The following TDP1 variants were observed in gnomAD, a reference collection of about 807,000 sequenced individuals.
TDP1 encodes the protein tyr-DNA phosphodiesterase 1.
In TDP1, 64 loss-of-function variants were observed where a neutral mutation model predicts 81.5. The ratio of observed to expected loss-of-function variants is 0.79; its 90% confidence interval spans 0.64 to 0.97. The LOEUF is 0.97. Ranked by LOEUF, TDP1 falls within the 50% of genes least tolerant of loss-of-function variation. The pLI, the probability that TDP1 is intolerant of heterozygous loss-of-function variation, is 0.00. For missense variants in TDP1, 723 were observed against 743.8 expected, an observed-to-expected ratio of 0.97 and a Z score of 0.33; for synonymous variants, 256 against 264.3, an observed-to-expected ratio of 0.97 and a Z score of 0.30.
At chr14:90,010,147 A>G (rs1884531610) in intron 14 of TDP1, among the ~76,000 whole-genome samples, 1 of 152,208 alleles carries the variant, frequency 6.6e-6, no homozygotes. Flanking sequence ...TTAAAACTTT[A>G]TTTTGTCAAA....
intron 2 of TDP1, among the ~76,000 whole-genome samples, chr14:89,960,006 G>C (rs1485641977): frequency 1.3e-5 from 2 of 152,158 alleles, no homozygotes; most frequent in East Asian, 3.8e-4. Context: ...GAATGGGCAA[G>C]GTATCTATAG....
chr14:90,034,770 T>A (rs1872608514), intron 16 of TDP1, among the ~76,000 whole-genome samples: 1 of 152,184 alleles, frequency 6.6e-6, no homozygotes, highest in African/African-American at 2.4e-5. Flanking sequence ...TTTTTTTCAA[T>A]TGGCAAATTT....
intron 8 of TDP1, chr14:89,981,590 C>A: frequency 2.4e-6 from 1 of 422,332 alleles, no homozygotes; most frequent in Non-Finnish European, 4.7e-6. Flanking sequence ...TCCTCCTCTG[C>A]CTCACCCTGC....
At chr14:89,998,885 G>A (rs1016579452) in intron 14 of TDP1, among the ~76,000 whole-genome samples, 2 of 152,076 alleles carry the variant, frequency 1.3e-5, no homozygotes, top group Admixed American at 6.6e-5. Context: ...AGATATTACC[G>A]TTTCTTTGAT....
chr14:89,965,542 C>T (rs1481162827), intron 3 of TDP1, among the ~76,000 whole-genome samples: 2 of 152,170 alleles, frequency 1.3e-5, no homozygotes, highest in Non-Finnish European at 2.9e-5. Flanking sequence ...TGATGGTGTA[C>T]TTGCTCTCGT....
At chr14:90,026,485 A>G (rs1886669642) in intron 15 of TDP1, among the ~76,000 whole-genome samples, 1 of 152,128 alleles carries the variant, frequency 6.6e-6, no homozygotes, top group African/African-American at 2.4e-5. Context: ...TTATACTTTA[A>G]GTTCTAGGGT....
At chr14:90,017,325 C>T (rs542007744) in intron 14 of TDP1, among the ~76,000 whole-genome samples, 5 of 151,876 alleles carry the variant, frequency 3.3e-5, no homozygotes, top group Non-Finnish European at 7.4e-5. Flanking sequence ...AAGTATTAAC[C>T]CAGAATGTAA....
At chr14:90,000,585 A>G (rs765803562) in intron 14 of TDP1, among the ~76,000 whole-genome samples, 4 of 152,118 alleles carry the variant, frequency 2.6e-5, no homozygotes, top group Non-Finnish European at 5.9e-5. Context: ...GAGTTTCTCC[A>G]TGTTGGTCAG....
intron 2 of TDP1, among the ~76,000 whole-genome samples, chr14:89,960,029 G>A (rs1038935290): frequency 2.6e-5 from 4 of 152,140 alleles, no homozygotes; most frequent in Non-Finnish European, 5.9e-5. Context: ...AACAGCCTGA[G>A]GACTGTAATG....
chr14:89,977,580 G>A (rs1475275097), intron 7 of TDP1, among the ~76,000 whole-genome samples: 1 of 152,220 alleles, frequency 6.6e-6, no homozygotes, highest in Non-Finnish European at 1.5e-5. Context: ...TTACAGGCGT[G>A]AGCCACCGCA....
chr14:90,013,712 T>A (rs1227699742), intron 14 of TDP1, among the ~76,000 whole-genome samples: 1 of 152,194 alleles, frequency 6.6e-6, no homozygotes, highest in African/African-American at 2.4e-5. Context: ...GTAGCTCCCA[T>A]AATTCCCACA....
At chr14:90,022,144 C>A (rs909268641) in intron 15 of TDP1, among the ~76,000 whole-genome samples, 1 of 152,182 alleles carries the variant, frequency 6.6e-6, no homozygotes, top group African/African-American at 2.4e-5. Flanking sequence ...CCACCTGATA[C>A]ACCTAAGCAA....
chr14:89,966,299 A>T, intron 4 of TDP1, 109 bp downstream of exon 4: 1 of 791,394 alleles, frequency 1.3e-6, no homozygotes, highest in Non-Finnish European at 2.2e-6. Context: ...GTCCTGTTCA[A>T]AGACTGAGAT....
chr14:89,983,525 T>C (rs763635862), intron 8 of TDP1, among the ~76,000 whole-genome samples: 6 of 152,146 alleles, frequency 3.9e-5, no homozygotes, highest in Admixed American at 1.3e-4. Flanking sequence ...TTGGGCAGTT[T>C]CTCTTTCAGC....
At chr14:89,975,275 A>G (rs1894151303) in intron 6 of TDP1, 1 of 298,650 alleles carries the variant, frequency 3.3e-6, no homozygotes, top group African/African-American at 2.3e-5. Flanking sequence ...ACGGGGTTCC[A>G]CTGCGTTAGC....
intron 15 of TDP1, among the ~76,000 whole-genome samples, chr14:90,021,322 T>A (rs1886068928): frequency 6.6e-6 from 1 of 152,218 alleles, no homozygotes; most frequent in Admixed American, 6.5e-5. Context: ...AACAATGAAG[T>A]CACATCACTA....
intron 14 of TDP1, among the ~76,000 whole-genome samples, chr14:90,002,027 A>AT (rs1566895357): frequency 2.0e-5 from 3 of 152,122 alleles, no homozygotes; most frequent in African/African-American, 7.2e-5. Context: ...TACTGACCAA[A>AT]AATTATTTGA....
At chr14:90,007,165 C>T (rs1404477369) in intron 14 of TDP1, among the ~76,000 whole-genome samples, 1 of 152,112 alleles carries the variant, frequency 6.6e-6, no homozygotes, top group Non-Finnish European at 1.5e-5. Context: ...CAGTTTTATT[C>T]CTGAACTGTA....
At chr14:89,967,154 T>C in intron 4 of TDP1, 2 of 977,954 alleles carry the variant, frequency 2.0e-6, no homozygotes, top group Non-Finnish European at 2.4e-6. Flanking sequence ...TGTTATCTCA[T>C]GTACTTGGCT....
Sources: allele counts gnomAD v4.1 joint callset (sites outside exome capture counted in the v4.1 genomes callset), GRCh38; gene constraint gnomAD v4.1.1; transcripts MANE v1.5; gene names NCBI Gene and HGNC (gene_info 2026-07-23, HGNC 2026-07-21).